The following KRT40 variants were observed in gnomAD, a reference collection of about 807,000 sequenced individuals.
KRT40 encodes the protein keratin 40.
In KRT40, 47 loss-of-function variants were observed where a neutral mutation model predicts 43.5. The observed-to-expected ratio is 1.08, with a 90% CI of 0.86 to 1.38. The LOEUF is 1.38. Among genes scored for constraint, KRT40 ranks in the 40% most tolerant of loss-of-function variants. The pLI is 0.00. For synonymous variants in KRT40, 212 were observed against 214.0 expected, an observed-to-expected ratio of 0.99 and a Z score of 0.08; for missense variants, 573 against 523.6, an observed-to-expected ratio of 1.09 and a Z score of -0.92.
Position 40,980,831 on chromosome 17 carries a change from C to T in KRT40, c.929G>A (p.Arg310His), listed in dbSNP as rs758148733. ...CTCAATTTCCAGAGCACTGGCTGTG[C>T]GTTTCAGTTCCAAGATCTCCATCTG... ...GCQMEILELK[R>H]TASALEIELQ... is the part of the protein sequence containing the mutation. The change falls in exon 5 of 7, where the codon CGC becomes CAC. Residue 310 changes from arginine to histidine, a missense_variant. Arg to His is a conservative substitution (Grantham distance 29, BLOSUM62 0). Coordinates refer to ENST00000377755, the MANE Select transcript of KRT40 (RefSeq NM_001389244.1). The T allele has an allele frequency of 9.9e-6, 16 of 1,612,632 alleles. No individual in the cohort carries two copies. In the Admixed American group the frequency reaches 1.3e-4, roughly 13 times the overall value.
chr17:40,985,887 G>A (rs1212878653), upstream of KRT40, among the ~76,000 whole-genome samples: 2 of 152,190 alleles, frequency 1.3e-5, no homozygotes, highest in Non-Finnish European at 2.9e-5. Flanking sequence ...CCCATGTTTT[G>A]GTTGTCCATC....
At chr17:40,979,610 A>G (rs557045008) in intron 5 of KRT40, among the ~76,000 whole-genome samples, 15 of 152,328 alleles carry the variant, frequency 9.8e-5, no homozygotes, top group Admixed American at 7.2e-4. Flanking sequence ...CTACAGCAAT[A>G]CATGACATAT....
intron 3 of KRT40, 110 bp downstream of exon 3, chr17:40,982,197 C>T: frequency 1.9e-6 from 2 of 1,074,780 alleles, no homozygotes; most frequent in East Asian, 2.8e-5. Context: ...TAGTTTTATT[C>T]CAGCTTAAAC....
Position 40,978,129 on chromosome 17 carries a change from T to C in KRT40, c.*68A>G. 1 of 1,207,334 alleles carries C rather than the reference T, an allele frequency of 8.3e-7. No homozygotes were observed. Among genetic ancestry groups the C allele is most frequent in the Non-Finnish European group, 1.2e-6 (1 of 816,184 alleles). 74.8% of individuals were successfully genotyped at this position (1,207,334 alleles called of 1,614,324 possible). A position where few individuals can be genotyped will look rare whatever the true frequency, so the allele number is the denominator to read the frequency against. ...TTTGTGCTTCCGGTTTGGATGTCCCTGGTTGAAGCCCCATCTCCTTTCTAG... is the reference window on the plus strand; with the variant it reads ...TTTGTGCTTCCGGTTTGGATGTCCCCGGTTGAAGCCCCATCTCCTTTCTAG... On this transcript the variant is annotated 3_prime_UTR_variant, in exon 7 of 7. Transcript: ENST00000377755.
upstream of KRT40, among the ~76,000 whole-genome samples, chr17:40,986,036 C>T (rs944978909): frequency 1.3e-5 from 2 of 152,046 alleles, no homozygotes; most frequent in African/African-American, 4.8e-5. Flanking sequence ...TTATTTTGGT[C>T]TTGATTAATT....
In KRT40 at chr17:40,979,237, T is replaced by C. The variant is rs958419326; in HGVS notation, c.976-213A>G. Among the ~76,000 whole-genome samples the C allele has an allele frequency of 3.3e-5, 5 of 152,300 alleles. No homozygotes were observed. The East Asian group carries it at 5.8e-4, about 18-fold the overall frequency. ...GAAGATTAAGAGTTAATATGCGGGC[T>C]GGGCGCGGTGGCTCAGGCCTGTAAT... is the stretch of plus-strand genomic sequence containing the variant. On this transcript the variant is annotated intron_variant, in intron 5 of 6. Transcript: ENST00000377755.
At chr17:40,981,188 G>A in intron 3 of KRT40, 37 bp from the exon 4 acceptor site, 1 of 1,611,834 alleles carries the variant, frequency 6.2e-7, no homozygotes, top group Non-Finnish European at 8.5e-7. Context: ...TCACAGAATG[G>A]TGGGGAAAAA....
At position 40,978,859 on chromosome 17, in the gene KRT40, G is replaced by A. The variant is rs200561810; in HGVS notation, c.1141C>T (p.Arg381Trp). ...TACGTGTTGATCTCACCCTCCAGCC[G>A]GGCCTTCACGTCCAGGAGCACCTGG... The part of the protein sequence containing the change: ...EYQVLLDVKA[R>W]LEGEINTYWG... Residue 381 changes from arginine (R) to tryptophan (W), a missense_variant, in exon 6 of 7, where the codon CGG becomes TGG. By Grantham distance (101) the Arg-to-Trp change is moderately radical. Transcript: ENST00000377755. 51 of 1,612,400 alleles carry A rather than the reference G, an allele frequency of 3.2e-5. No individual in the cohort carries two copies. Among genetic ancestry groups the A allele is most frequent in the African/African-American group, 2.0e-4 (15 of 74,604 alleles).
At chr17:40,984,524 C>A (rs1299599326), upstream of KRT40, among the ~76,000 whole-genome samples, 2 of 152,130 alleles carry the variant, frequency 1.3e-5, no homozygotes, top group Non-Finnish European at 2.9e-5. Flanking sequence ...CACACCATTT[C>A]CATGTGCAAG....
At position 40,982,273 on chromosome 17, in the gene KRT40, C is replaced by A. The variant is rs147951034; in HGVS notation, c.687+34G>T. The A allele has an allele frequency of 8.3e-5, 125 of 1,497,546 alleles. No individual in the cohort carries two copies. The South Asian group carries it at 9.1e-4, about 11-fold the overall frequency. The allele number at this position is 1,497,546 out of a possible 1,614,324, so 92.8% of individuals were successfully genotyped here. ...TCTGTCAATGTAAGTACGTTACTCTCGGAGTCCTTCAGCGGAGTTGCCACT... is the reference window on the plus strand; with the variant it reads ...TCTGTCAATGTAAGTACGTTACTCTAGGAGTCCTTCAGCGGAGTTGCCACT... On this transcript the variant is annotated intron_variant, in intron 3 of 6. Transcript: ENST00000377755.
At chr17:40,982,629 ATAT>A (rs1230267677) in intron 2 of KRT40, among the ~76,000 whole-genome samples, 166 bp from the exon 3 acceptor site, 1 of 151,142 alleles carries the variant, frequency 6.6e-6, no homozygotes, top group Non-Finnish European at 1.5e-5. Flanking sequence ...TAACTTTAAA[ATAT>A]TATATAGAGA....
intron 5 of KRT40, among the ~76,000 whole-genome samples, chr17:40,980,076 G>C (rs1488623259): frequency 6.6e-6 from 1 of 152,130 alleles, no homozygotes; most frequent in Non-Finnish European, 1.5e-5. Flanking sequence ...AGAGACTCTG[G>C]GATTCAACTG....
chr17:40,982,797 A>T (rs1313522469), intron 2 of KRT40, among the ~76,000 whole-genome samples: 1 of 152,182 alleles, frequency 6.6e-6, no homozygotes, highest in African/African-American at 2.4e-5. Flanking sequence ...TGAGGTCAGG[A>T]GTTCGAGACC....
At chr17:40,981,778 C>T (rs559998191) in intron 3 of KRT40, among the ~76,000 whole-genome samples, 1 of 152,310 alleles carries the variant, frequency 6.6e-6, no homozygotes, top group African/African-American at 2.4e-5. Context: ...TGATTCCTTC[C>T]TCTGGCGCTG....
At position 40,981,096 on chromosome 17, in the gene KRT40, G is replaced by A. The variant is rs1912122844; in HGVS notation, c.743C>T (p.Thr248Ile). 4.3e-6 allele frequency: 7 copies of A among 1,614,136 alleles called. No individual in the cohort carries two copies. The highest frequency in any genetic ancestry group is 1.3e-5 in the African/African-American group (1 of 74,952). The change falls in exon 4 of 7, where the codon ACT becomes ATT. Residue 248 changes from threonine (T) to isoleucine (I), a missense_variant. Coordinates refer to ENST00000377755, the MANE Select transcript of KRT40 (RefSeq NM_001389244.1). ...CCTGTTGAGGTCAAGGGTGGGGGCA[G>A]TGTCCAGCTCCACACTGAGGCGGTC... ...LGDRLSVELD[T>I]APTLDLNRVL...
chr17:40,982,136 C>A (rs1484694030), intron 3 of KRT40, among the ~76,000 whole-genome samples, 171 bp downstream of exon 3: 1 of 152,130 alleles, frequency 6.6e-6, no homozygotes, highest in Non-Finnish European at 1.5e-5. Context: ...CTCAGCCTCC[C>A]AAAGTGCTTG....
intron 5 of KRT40, among the ~76,000 whole-genome samples, chr17:40,979,940 T>G (rs1029179429): frequency 6.6e-5 from 10 of 152,230 alleles, no homozygotes; most frequent in Non-Finnish European, 1.5e-4. Flanking sequence ...CTTGAGGTGA[T>G]GGATGCTCTA....
chr17:40,983,046 T>A lies in KRT40; in HGVS notation c.530A>T (p.Lys177Met). Residue 177 changes from lysine (K) to methionine (M), a missense_variant and splice_region_variant, in exon 2 of 7, where the codon AAG (lysine) becomes ATG (methionine). Lys to Met is a moderately conservative substitution (Grantham distance 95, BLOSUM62 -1). Coordinates refer to ENST00000377755, the MANE Select transcript of KRT40 (RefSeq NM_001389244.1). ...TAAAATAAAATTAAATTAAACTTAC[T>A]TTGACTTAAAGTCATCAGTGGCCAG... is the stretch of plus-strand genomic sequence containing the variant. ...CKLATDDFKS[K>M]YESELSLRQL... 1 of 1,238,404 alleles carries A rather than the reference T, an allele frequency of 8.1e-7. No homozygotes were observed. Among genetic ancestry groups the A allele is most frequent in the Non-Finnish European group, 1.2e-6 (1 of 853,820 alleles). The allele number at this position is 1,238,404 out of a possible 1,614,324, so 76.7% of individuals were successfully genotyped here.
At chr17:40,980,021 C>T (rs947242169) in intron 5 of KRT40, among the ~76,000 whole-genome samples, 7 of 152,214 alleles carry the variant, frequency 4.6e-5, no homozygotes, top group South Asian at 2.1e-4. Context: ...AAAAAATTTA[C>T]GCATATTATA....
Sources: allele counts gnomAD v4.1 joint callset (sites outside exome capture counted in the v4.1 genomes callset), GRCh38; gene constraint gnomAD v4.1.1; transcripts MANE v1.5; gene names NCBI Gene and HGNC (gene_info 2026-07-23, HGNC 2026-07-21).